Variants in C1orf87 observed in about 807,000 individuals in gnomAD.
C1orf87 encodes uncharacterized protein C1orf87.
C1orf87 carries 58 observed loss-of-function variants against 60.5 expected under a neutral mutation model. The observed-to-expected ratio is 0.96, with a 90% CI of 0.78 to 1.19. The LOEUF is 1.19. Among genes scored for constraint, C1orf87 ranks in the 50% most tolerant of loss-of-function variants. The probability of loss-of-function intolerance (pLI) is 0.00; values close to 1 mark genes in which losing one functional copy is unlikely to be tolerated. For synonymous variants in C1orf87, 236 were observed against 227.4 expected (o/e 1.04, Z -0.34); for missense variants, 673 against 638.6 (o/e 1.05, Z -0.58).
intron 8 of C1orf87, among the ~76,000 whole-genome samples, chr1:60,019,440 T>G (rs892149595): frequency 2.0e-5 from 3 of 152,158 alleles, no homozygotes; most frequent in Non-Finnish European, 1.5e-5. Flanking sequence ...CTTACAGCAG[T>G]GTAAAAACAG....
intron 9 of C1orf87, among the ~76,000 whole-genome samples, chr1:60,005,415 A>T (rs575806765): frequency 1.3e-5 from 2 of 150,432 alleles, no homozygotes; most frequent in African/African-American, 2.4e-5. Flanking sequence ...AAAGAATGTC[A>T]GGTAGTGATA....
chr1:60,057,709 TTC>T (rs1260120203), intron 2 of C1orf87, among the ~76,000 whole-genome samples: 1 of 152,180 alleles, frequency 6.6e-6, no homozygotes, highest in Non-Finnish European at 1.5e-5. Flanking sequence ...AGCTTGAATT[TTC>T]TCTGATAACA....
At chr1:59,994,471 TGTA>T (rs1460461912) in intron 11 of C1orf87, among the ~76,000 whole-genome samples, 1 of 152,204 alleles carries the variant, frequency 6.6e-6, no homozygotes, top group East Asian at 1.9e-4. Context: ...AATTTAGTGA[TGTA>T]GTATATGTAA....
At chr1:60,016,641 C>G (rs1316001484) in intron 8 of C1orf87, among the ~76,000 whole-genome samples, 2 of 152,096 alleles carry the variant, frequency 1.3e-5, no homozygotes, top group East Asian at 3.9e-4. Flanking sequence ...TATTTCAGAA[C>G]CAGGTTGCCA....
chr1:60,054,989 G>C (rs1489229651), intron 3 of C1orf87, among the ~76,000 whole-genome samples: 1 of 152,078 alleles, frequency 6.6e-6, no homozygotes, highest in African/African-American at 2.4e-5. Flanking sequence ...CTTCTTTGGT[G>C]ATCATGACCA....
intron 8 of C1orf87, among the ~76,000 whole-genome samples, chr1:60,018,517 C>A (rs555688275): frequency 6.6e-6 from 1 of 152,188 alleles, no homozygotes; most frequent in Non-Finnish European, 1.5e-5. Flanking sequence ...TTCTGGATCT[C>A]AATTTTTAAT....
chr1:60,030,252 A>G (rs111387625), intron 7 of C1orf87, among the ~76,000 whole-genome samples: 3 of 152,360 alleles, frequency 2.0e-5, no homozygotes, highest in African/African-American at 7.2e-5. Flanking sequence ...ATTGATCAGA[A>G]AGGTGGCTGT....
intron 11 of C1orf87, among the ~76,000 whole-genome samples, chr1:59,991,775 G>A (rs997360169): frequency 6.6e-6 from 1 of 152,156 alleles, no homozygotes; most frequent in Admixed American, 6.5e-5. Context: ...ACCAATGTCA[G>A]TATGCTTTCC....
At chr1:60,004,890 G>C (rs999164884) in intron 9 of C1orf87, among the ~76,000 whole-genome samples, 3 of 139,964 alleles carry the variant, frequency 2.1e-5, no homozygotes, top group African/African-American at 7.4e-5. Context: ...GAAATCAGTA[G>C]CCTTTAGCAC....
chr1:60,038,078 T>C lies in C1orf87; in HGVS notation c.777A>G (p.Leu259=). The part of the protein sequence containing the change: ...MVNYEKLLWF[L]NSAASDYPQQ... ...GTGGATAATCTGATGCTGCACTGTT[T>C]AAAAACCAGAGTAGCTTTTCATAAT... Residue 259 remains leucine, a synonymous_variant, in exon 6 of 12, where the codon TTA becomes TTG. Coordinates refer to ENST00000371201, the MANE Select transcript of C1orf87 (RefSeq NM_152377.3). 1 of 1,580,146 alleles carries C rather than the reference T, an allele frequency of 6.3e-7. No homozygotes were observed. The highest frequency in any genetic ancestry group is 8.7e-7 in the Non-Finnish European group (1 of 1,155,246).
intron 8 of C1orf87, among the ~76,000 whole-genome samples, chr1:60,023,548 T>C (rs890978845): frequency 6.6e-6 from 1 of 152,178 alleles, no homozygotes; most frequent in Non-Finnish European, 1.5e-5. Flanking sequence ...TTTTAGATTT[T>C]ATAGAAAAAA....
At chr1:60,069,065 G>A (rs1440312902) in intron 2 of C1orf87, among the ~76,000 whole-genome samples, 6 of 152,124 alleles carry the variant, frequency 3.9e-5, no homozygotes, top group Non-Finnish European at 7.3e-5. Context: ...ATATAGTTGT[G>A]CATATATAAT....
At chr1:60,014,352 A>C (rs1001386602) in intron 8 of C1orf87, among the ~76,000 whole-genome samples, 7 of 152,156 alleles carry the variant, frequency 4.6e-5, no homozygotes, top group African/African-American at 1.7e-4. Context: ...GGGGCAAGCA[A>C]CTAATTGATT....
At chr1:60,047,361 T>C (rs1414061280) in intron 3 of C1orf87, among the ~76,000 whole-genome samples, 3 of 152,218 alleles carry the variant, frequency 2.0e-5, no homozygotes, top group African/African-American at 4.8e-5. Context: ...ATTGCAATTA[T>C]TATTTTTATT....
intron 8 of C1orf87, among the ~76,000 whole-genome samples, chr1:60,023,572 C>T (rs1645178457): frequency 6.6e-6 from 1 of 151,996 alleles, no homozygotes; most frequent in African/African-American, 2.4e-5. Context: ...TAAGATAATA[C>T]AGAGAATTTT....
At chr1:60,012,653 A>G (rs1275073518) in intron 8 of C1orf87, among the ~76,000 whole-genome samples, 1 of 152,114 alleles carries the variant, frequency 6.6e-6, no homozygotes, top group Admixed American at 6.6e-5. Flanking sequence ...CTGGAGGACA[A>G]GTTCTGTGAG....
intron 3 of C1orf87, among the ~76,000 whole-genome samples, chr1:60,054,123 C>T (rs550719571): frequency 1.3e-5 from 2 of 152,242 alleles, no homozygotes; most frequent in South Asian, 2.1e-4. Flanking sequence ...ATTATATCAC[C>T]TCTGCAGATT....
chr1:60,020,930 G>A (rs143152042), intron 8 of C1orf87, among the ~76,000 whole-genome samples: 2 of 152,188 alleles, frequency 1.3e-5, no homozygotes, highest in East Asian at 1.9e-4. Flanking sequence ...TTGAAGGAAG[G>A]GCCTGGTGGG....
intron 7 of C1orf87, among the ~76,000 whole-genome samples, chr1:60,029,434 C>T (rs751709260): frequency 3.3e-5 from 5 of 151,872 alleles, no homozygotes; most frequent in Non-Finnish European, 5.9e-5. Context: ...TTGTTTAATA[C>T]CCTTCAATGA....
Sources: allele counts gnomAD v4.1 joint callset (sites outside exome capture counted in the v4.1 genomes callset), GRCh38; gene constraint gnomAD v4.1.1; transcripts MANE v1.5; gene names NCBI Gene and HGNC (gene_info 2026-07-23, HGNC 2026-07-21).